Variants in PALLD observed in about 807,000 individuals in gnomAD.
PALLD encodes palladin, cytoskeletal associated protein.
PALLD carries 61 observed loss-of-function variants against 123.5 expected under a neutral mutation model. The ratio of observed to expected loss-of-function variants is 0.49; its 90% CI spans 0.40 to 0.61. The LOEUF (loss-of-function observed/expected upper bound fraction) is 0.61. PALLD is among the 20% of genes least tolerant of loss of function. PALLD has a pLI of 0.00. For missense variants in PALLD, 1,273 were observed against 1,377.0 expected, an observed-to-expected ratio of 0.92 and a Z score of 1.20; for synonymous variants, 465 against 496.4, an observed-to-expected ratio of 0.94 and a Z score of 0.84.
intron 10 of PALLD, among the ~76,000 whole-genome samples, chr4:168,724,103 C>T (rs773887052): frequency 6.6e-6 from 1 of 152,062 alleles, no homozygotes; most frequent in Admixed American, 6.6e-5. Flanking sequence ...CCACGTTGAC[C>T]AGGATGGTCT....
chr4:168,713,853 A>C (rs1350857391), intron 10 of PALLD, among the ~76,000 whole-genome samples: 1 of 149,796 alleles, frequency 6.7e-6, no homozygotes, highest in Non-Finnish European at 1.5e-5. Flanking sequence ...CTCTCCCTTC[A>C]TGAGGAAATT....
At chr4:168,884,481 C>T (rs1753067381) in intron 10 of PALLD, among the ~76,000 whole-genome samples, 1 of 152,202 alleles carries the variant, frequency 6.6e-6, no homozygotes, top group Admixed American at 6.5e-5. Flanking sequence ...TGTAGAGTCA[C>T]CTCCTCAGAA....
chr4:168,711,536 C>A, intron 9 of PALLD, 45 bp from the exon 10 acceptor site: 1 of 1,293,226 alleles, frequency 7.7e-7, no homozygotes, highest in Non-Finnish European at 1.1e-6. Context: ...ACTTGTTGAA[C>A]TAGTGGCATC....
chr4:168,645,097 CAAAA>C (rs58366362), intron 2 of PALLD, among the ~76,000 whole-genome samples: 3 of 117,050 alleles, frequency 2.6e-5, no homozygotes, highest in African/African-American at 5.9e-5. Context: ...GACACAGTCT[CAAAA>C]AAAAAAAAAA....
chr4:168,631,707 G>A (rs954502918), intron 2 of PALLD: 1 of 985,496 alleles, frequency 1.0e-6, no homozygotes, highest in Non-Finnish European at 1.2e-6. Flanking sequence ...GCGGGGCCCA[G>A]GACCTCTCGA....
At chr4:168,654,828 A>C (rs1016498735) in intron 2 of PALLD, 3 of 152,200 alleles carry the variant, frequency 2.0e-5, no homozygotes, top group African/African-American at 7.2e-5. Context: ...TATTTGATCA[A>C]AATGGTTGGG....
chr4:168,731,911 G>A (rs186118590), intron 10 of PALLD, among the ~76,000 whole-genome samples: 3 of 152,288 alleles, frequency 2.0e-5, no homozygotes, highest in Admixed American at 1.3e-4. Context: ...GTTCTTTTGT[G>A]CAAATTTAGA....
chr4:168,690,603 G>A lies in PALLD; in HGVS notation c.1336G>A (p.Glu446Lys). 2 of 1,614,154 alleles carry A rather than the reference G, an allele frequency of 1.2e-6. No homozygotes were observed. Among genetic ancestry groups the A allele is most frequent in the Non-Finnish European group, 1.7e-6 (2 of 1,180,024 alleles). The change falls in exon 7 of 22, where the codon GAA becomes AAA. Residue 446 changes from glutamate (E) to lysine (K), a missense_variant and splice_region_variant. Glu to Lys is a moderately conservative substitution (Grantham distance 56). This residue lies in a region of PALLD where 944 missense variants were observed against 954.5 expected (regional missense o/e 0.99). Coordinates refer to ENST00000505667, the MANE Select transcript of PALLD (RefSeq NM_001166108.2). Reference protein sequence around the residue: ...TAYFPPVFTKELQNTAVAEGQ... With the variant: ...TAYFPPVFTKKLQNTAVAEGQ... ...TTCCTTGAATTTCCTTGAATTTCAGGAACTGCAAAACACAGCCGTGGCGGA... is the reference window on the plus strand; with the variant it reads ...TTCCTTGAATTTCCTTGAATTTCAGAAACTGCAAAACACAGCCGTGGCGGA...
At chr4:168,637,392 G>C (rs889940163) in intron 2 of PALLD, among the ~76,000 whole-genome samples, 1 of 151,910 alleles carries the variant, frequency 6.6e-6, no homozygotes, top group Non-Finnish European at 1.5e-5. Flanking sequence ...ACAGCAAGTT[G>C]CAAGTTCAGT....
At chr4:168,711,511 T>G in intron 9 of PALLD, 70 bp from the exon 10 acceptor site, 1 of 1,065,904 alleles carries the variant, frequency 9.4e-7, no homozygotes, top group Non-Finnish European at 1.5e-6. Flanking sequence ...CAGAAGACTC[T>G]GACAGTGTGA....
rs150155817 is a variant in PALLD at position 168,882,908 on chromosome 4, G to C, written c.1965-8014G>C. On this transcript the variant is annotated intron_variant, in intron 10 of 21. Coordinates refer to ENST00000505667, the MANE Select transcript of PALLD (RefSeq NM_001166108.2). ...AGATCGAGATCATCCTGGCCAACAT[G>C]GTGAAACACCATCTCTACTAAAATA... 4.8e-3 allele frequency among the ~76,000 whole-genome samples: 736 copies of C among 152,150 alleles called. 7 individuals are homozygous for C. The highest frequency in any genetic ancestry group is 5.5e-3 in the Admixed American group (84 of 15,292).
Position 168,685,513 on chromosome 4 carries a change from G to C in PALLD, c.1289G>C (p.Arg430Pro), listed in dbSNP as rs145571230. The C allele has an allele frequency of 1.2e-6, 2 of 1,612,326 alleles. No individual in the cohort carries two copies. Among genetic ancestry groups the C allele is most frequent in the South Asian group, 1.1e-5 (1 of 91,026 alleles). Residue 430 changes from arginine (R) to proline (P), a missense_variant, in exon 6 of 22, where the codon CGA becomes CCA. Transcript: ENST00000505667. Reference protein sequence around the residue: ...QVHSPTSYLCRPDGTTTAYFP... With the variant: ...QVHSPTSYLCPPDGTTTAYFP... ...CACAGTCCAACTTCATATCTCTGCC[G>C]ACCTGATGGAACCACTACTGCCTAC...
chr4:168,813,829 A>T (rs968030364), intron 10 of PALLD, among the ~76,000 whole-genome samples: 1 of 150,374 alleles, frequency 6.7e-6, no homozygotes, highest in Non-Finnish European at 1.5e-5. Context: ...CCCTCAAAAA[A>T]CAAATCATTC....
At chr4:168,518,090 C>T (rs1365838358) in intron 2 of PALLD, among the ~76,000 whole-genome samples, 1 of 152,100 alleles carries the variant, frequency 6.6e-6, no homozygotes, top group African/African-American at 2.4e-5. Context: ...CAACAAAAGA[C>T]AACCCTCCTT....
At chr4:168,669,285 G>A (rs1406270549) in intron 3 of PALLD, among the ~76,000 whole-genome samples, 5 of 152,120 alleles carry the variant, frequency 3.3e-5, no homozygotes, top group Non-Finnish European at 5.9e-5. Flanking sequence ...TAAAAGTAGG[G>A]CCAGGTGAGG....
intron 10 of PALLD, among the ~76,000 whole-genome samples, chr4:168,831,015 T>A (rs1744134792): frequency 6.6e-6 from 1 of 152,262 alleles, no homozygotes; most frequent in East Asian, 1.9e-4. Context: ...ATTCATTTTG[T>A]TAACAGCTTA....
intron 2 of PALLD, among the ~76,000 whole-genome samples, chr4:168,651,350 C>CT (rs1213028178): frequency 1.3e-5 from 2 of 151,434 alleles, no homozygotes; most frequent in Non-Finnish European, 2.9e-5. Context: ...AAGGTTAGCT[C>CT]TTTTTTTTTC....
chr4:168,512,157 C>T lies in PALLD; in HGVS notation c.653C>T (p.Ser218Leu), dbSNP rs766428466. 8.7e-6 allele frequency: 14 copies of T among 1,614,210 alleles called. No individual in the cohort carries two copies. Among genetic ancestry groups the T allele is most frequent in the Non-Finnish European group, 1.1e-5 (13 of 1,180,030 alleles). The change falls in exon 2 of 22, where the codon TCA (serine) becomes TTA (leucine). Residue 218 changes from serine (S) to leucine (L), a missense_variant. By Grantham distance (145) the Ser-to-Leu change is moderately radical. Transcript: ENST00000505667. ...CAGCCGTCAGCCCTGCTGAGTGCCTCAGCCAGCCAGAGCCCTATGGAAGAC... is the reference window on the plus strand; with the variant it reads ...CAGCCGTCAGCCCTGCTGAGTGCCTTAGCCAGCCAGAGCCCTATGGAAGAC... ...KNQPSALLSA[S>L]ASQSPMEDQG...
chr4:168,883,879 G>T (rs1302997188), intron 10 of PALLD, among the ~76,000 whole-genome samples: 4 of 151,270 alleles, frequency 2.6e-5, no homozygotes, highest in Non-Finnish European at 5.9e-5. Context: ...GGATTTTTGT[G>T]AAGAGTTCTG....
Sources: allele counts gnomAD v4.1 joint callset (sites outside exome capture counted in the v4.1 genomes callset), GRCh38; gene constraint gnomAD v4.1.1; regional missense constraint gnomAD v4.1.1; transcripts MANE v1.5; gene names NCBI Gene and HGNC (gene_info 2026-07-23, HGNC 2026-07-21).